Variants in ITPR2 observed in about 807,000 individuals in gnomAD.
The protein encoded by ITPR2 is inositol 1,4,5-trisphosphate receptor type 2.
A neutral mutation model predicts 317.1 loss-of-function variants in ITPR2; 207 were observed. The ratio of observed to expected loss-of-function variants is 0.65; its 90% CI spans 0.58 to 0.73. The LOEUF is 0.73. Among genes scored for constraint, ITPR2 ranks in the 30% least tolerant of loss-of-function variants. ITPR2 has a pLI of 0.00. For synonymous variants in ITPR2, 1,156 were observed against 1,149.1 expected, an observed-to-expected ratio of 1.01 and a Z score of -0.12; for missense variants, 2,613 against 3,284.0, an observed-to-expected ratio of 0.80 and a Z score of 4.99.
At chr12:26,660,480 T>C (rs59868868) in intron 15 of ITPR2, among the ~76,000 whole-genome samples, 28,353 of 152,214 alleles carry the variant, frequency 0.19, 3,563 homozygotes, top group East Asian at 0.55. Context: ...GGATTCTCCC[T>C]GGAAATGTGT....
In ITPR2 at chr12:26,724,718, G is replaced by GT. The variant is rs750614856; in HGVS notation, c.303dup (p.Gln102ThrfsTer3). The GT allele has an allele frequency of 1.9e-6, 3 of 1,606,172 alleles. No homozygotes were observed. Among genetic ancestry groups the GT allele is most frequent in the African/African-American group, 1.3e-5 (1 of 74,760 alleles). Reference sequence around the variant, plus strand: ...AGTTTCTTATTCTCCGATTCATTTTGTTTTTGTTCCAGTTCTGCAGCGTGC... The same window carrying GT: ...AGTTTCTTATTCTCCGATTCATTTTGTTTTTTGTTCCAGTTCTGCAGCGTGC... On this transcript the variant is annotated frameshift_variant, in exon 4 of 57. Transcript: ENST00000381340. LOFTEE classifies it high-confidence loss of function.
chr12:26,496,944 A>C (rs1942946137), intron 37 of ITPR2, among the ~76,000 whole-genome samples: 1 of 100,164 alleles, frequency 1.0e-5, no homozygotes, highest in Admixed American at 9.8e-5. Context: ...ACTCCATCTC[A>C]AAAAAAAAAA....
chr12:26,816,199 G>T (rs1950849739), intron 1 of ITPR2, among the ~76,000 whole-genome samples: 1 of 146,766 alleles, frequency 6.8e-6, no homozygotes, highest in Non-Finnish European at 1.5e-5. Flanking sequence ...CTTCCAAAAA[G>T]AAACTCATGC....
At chr12:26,611,576 G>C (rs1317990957) in intron 26 of ITPR2, among the ~76,000 whole-genome samples, 1 of 151,896 alleles carries the variant, frequency 6.6e-6, no homozygotes, top group Admixed American at 6.6e-5. Context: ...AAAAAGTAAA[G>C]AAAAAGAAGC....
In ITPR2 at chr12:26,833,097, T is replaced by G. The variant is rs183340588; in HGVS notation, c.-316A>C. ...TCTGAAGTTTTCTCTCCAACACCTT[T>G]GCTCCTCCTCCTCCTCCTTCCCTCT... On this transcript the variant is annotated 5_prime_UTR_variant, in exon 1 of 57. Transcript: ENST00000381340. 45 of 323,324 alleles carry G rather than the reference T, an allele frequency of 1.4e-4. No individual in the cohort carries two copies. In the Admixed American group the frequency reaches 2.5e-3, roughly 18 times the overall value. 20.0% of individuals were successfully genotyped at this position (323,324 alleles called of 1,614,324 possible).
intron 9 of ITPR2, among the ~76,000 whole-genome samples, chr12:26,705,006 T>C (rs1294566099): frequency 6.6e-6 from 1 of 152,178 alleles, no homozygotes; most frequent in African/African-American, 2.4e-5. Flanking sequence ...GGAAAGGTCA[T>C]GGGAAAAAAG....
At position 26,495,265 on chromosome 12, in the gene ITPR2, T is replaced by C; in HGVS notation, c.5074-5A>G. 6.9e-7 allele frequency: 1 copy of C among 1,443,880 alleles called. No homozygotes were observed. Among genetic ancestry groups the C allele is most frequent in the East Asian group, 2.3e-5 (1 of 43,860 alleles). The allele number at this position is 1,443,880 out of a possible 1,614,324, so 89.4% of individuals were successfully genotyped here. A position where few individuals can be genotyped will look rare whatever the true frequency, so the allele number is the denominator to read the frequency against. On this transcript the variant is annotated splice_polypyrimidine_tract_variant and splice_region_variant and intron_variant, in intron 37 of 56. Transcript: ENST00000381340. ...TATCTTTCTTAATGTGTTACCCTAA[T>C]AAGAAGGATAACAAAGAGTTACTGT...
chr12:26,682,763 C>G (rs1948059159), intron 11 of ITPR2, 90 bp from the exon 12 acceptor site: 1 of 712,242 alleles, frequency 1.4e-6, no homozygotes, highest in East Asian at 2.7e-5. Flanking sequence ...ATTATATGAA[C>G]ATAAATACAT....
chr12:26,694,414 A>G (rs1948297326), intron 10 of ITPR2, among the ~76,000 whole-genome samples: 1 of 152,160 alleles, frequency 6.6e-6, no homozygotes, highest in Non-Finnish European at 1.5e-5. Context: ...TTCTCTCCAC[A>G]GCAAAGCCTC....
chr12:26,661,278 G>A (rs1281588529), intron 15 of ITPR2, among the ~76,000 whole-genome samples: 5 of 106,924 alleles, frequency 4.7e-5, no homozygotes, highest in African/African-American at 1.3e-4. Context: ...GTGTGTGTGG[G>A]GGGGGGGGGG....
At chr12:26,405,145 AAAG>A (rs917789665) in intron 52 of ITPR2, among the ~76,000 whole-genome samples, 6 of 151,974 alleles carry the variant, frequency 3.9e-5, no homozygotes, top group Non-Finnish European at 5.9e-5. Flanking sequence ...AAAAAAAAAA[AAAG>A]AAGAAGAAGA....
chr12:26,823,143 T>C (rs1950963326), intron 1 of ITPR2, among the ~76,000 whole-genome samples: 1 of 152,156 alleles, frequency 6.6e-6, no homozygotes, highest in Non-Finnish European at 1.5e-5. Flanking sequence ...GTGGTACTGT[T>C]TTAATCATCT....
At chr12:26,827,376 A>T (rs2137306866) in intron 1 of ITPR2, among the ~76,000 whole-genome samples, 1 of 152,344 alleles carries the variant, frequency 6.6e-6, no homozygotes, top group African/African-American at 2.4e-5. Flanking sequence ...TAATGGGGAA[A>T]AAAAGGAGAA....
intron 14 of ITPR2, among the ~76,000 whole-genome samples, chr12:26,665,645 CCT>C (rs1485376708): frequency 1.3e-5 from 2 of 152,156 alleles, no homozygotes; most frequent in East Asian, 3.8e-4. Flanking sequence ...GAAGGCAAGT[CCT>C]CTCTCAGTTG....
chr12:26,706,612 C>A (rs1187986249), intron 9 of ITPR2, among the ~76,000 whole-genome samples: 1 of 152,140 alleles, frequency 6.6e-6, no homozygotes, highest in African/African-American at 2.4e-5. Flanking sequence ...ATCCTTGAGA[C>A]CCCCTGAGAA....
At chr12:26,565,527 T>TAGATAGATAGACAGAC (rs368553155) in intron 34 of ITPR2, among the ~76,000 whole-genome samples, 2 of 139,702 alleles carry the variant, frequency 1.4e-5, no homozygotes, top group African/African-American at 5.3e-5. Context: ...GATAGATAGA[T>TAGATAGATAGACAGAC]AGACAGACAG....
chr12:26,346,854 C>T (rs567141467), intron 55 of ITPR2, among the ~76,000 whole-genome samples: 2 of 152,052 alleles, frequency 1.3e-5, no homozygotes, highest in Non-Finnish European at 2.9e-5. Context: ...GAATGTTACC[C>T]TAGGTGGTGT....
chr12:26,457,354 A>C (rs1461405861), intron 45 of ITPR2, among the ~76,000 whole-genome samples: 1 of 152,202 alleles, frequency 6.6e-6, no homozygotes, highest in African/African-American at 2.4e-5. Flanking sequence ...AGTAAAGACG[A>C]AAGTGGCCAG....
intron 37 of ITPR2, among the ~76,000 whole-genome samples, chr12:26,539,204 T>G (rs1269399359): frequency 2.0e-5 from 3 of 152,204 alleles, no homozygotes; most frequent in Non-Finnish European, 4.4e-5. Context: ...TTTCTATTCC[T>G]TCTCCTCTCA....
Sources: allele counts gnomAD v4.1 joint callset (sites outside exome capture counted in the v4.1 genomes callset), GRCh38; gene constraint gnomAD v4.1.1; transcripts MANE v1.5; gene names NCBI Gene and HGNC (gene_info 2026-07-23, HGNC 2026-07-21).